The following XPO4 variants were observed in gnomAD, a reference collection of about 807,000 sequenced individuals.
XPO4 encodes the protein exportin-4.
A neutral mutation model predicts 143.0 loss-of-function variants in XPO4; 39 were observed. That is an observed-to-expected ratio of 0.27 (90% CI 0.21 to 0.36). XPO4 has a LOEUF of 0.36. Ranked by LOEUF, XPO4 falls within the 10% of genes least tolerant of loss-of-function variation. The pLI is 1.00. For synonymous variants in XPO4, 439 were observed against 474.0 expected (o/e 0.93, Z 0.96); for missense variants, 907 against 1,348.0 (o/e 0.67, Z 5.12).
intron 7 of XPO4, among the ~76,000 whole-genome samples, chr13:20,823,563 G>C (rs2059745884): frequency 6.9e-6 from 1 of 144,394 alleles, no homozygotes; most frequent in Non-Finnish European, 1.5e-5. Flanking sequence ...AGCTAAGAAT[G>C]GTTGTGTTTT....
intron 1 of XPO4, among the ~76,000 whole-genome samples, chr13:20,884,925 T>C (rs535882554): frequency 3.3e-5 from 5 of 152,288 alleles, no homozygotes; most frequent in East Asian, 3.9e-4. Context: ...CAATAGCGCA[T>C]TAAGTAAAAA....
rs866454245 is a variant in XPO4, at chr13:20,796,635, T to A, written c.2616+129A>T. ...ATAAGTTCTTTTCAAAAATCTTTTT[T>A]AAAAATCTTTTGAAGGAATAAAAAT... On this transcript the variant is annotated intron_variant, in intron 17 of 22. Transcript: ENST00000255305. 9.3e-5 allele frequency: 77 copies of A among 829,122 alleles called. No individual in the cohort carries two copies. In the Middle Eastern group the frequency reaches 2.4e-3, roughly 26 times the overall value. The allele number at this position is 829,122 out of a possible 1,614,324, so 51.4% of individuals were successfully genotyped here.
intron 16 of XPO4, among the ~76,000 whole-genome samples, chr13:20,798,485 AATG>A (rs753701056): frequency 2.6e-5 from 4 of 152,202 alleles, no homozygotes; most frequent in Non-Finnish European, 4.4e-5. Context: ...AGCCCTAGGA[AATG>A]AATATCATGG....
chr13:20,885,013 G>T (rs1014451856), intron 1 of XPO4, among the ~76,000 whole-genome samples: 1 of 151,920 alleles, frequency 6.6e-6, no homozygotes, highest in African/African-American at 2.4e-5. Context: ...GCCCAGGCTG[G>T]AATGCAATGG....
intron 1 of XPO4, among the ~76,000 whole-genome samples, chr13:20,888,204 A>G (rs533189296): frequency 3.3e-5 from 5 of 151,828 alleles, no homozygotes; most frequent in African/African-American, 9.6e-5. Context: ...GACTAAAATA[A>G]TAAGAAAATG....
Position 20,790,590 on chromosome 13 carries a change from T to C in XPO4, c.2798-10A>G. 6.2e-7 allele frequency: 1 copy of C among 1,605,686 alleles called. No individual in the cohort carries two copies. The highest frequency in any genetic ancestry group is 8.5e-7 in the Non-Finnish European group (1 of 1,172,764). On this transcript the variant is annotated splice_polypyrimidine_tract_variant and intron_variant, in intron 18 of 22. Coordinates refer to ENST00000255305, the MANE Select transcript of XPO4 (RefSeq NM_022459.5). ...CCTCTAAACACTTCATCTATTAAAA[T>C]AAAAGGATGCAGGCTTATGGTGGTA...
intron 16 of XPO4, among the ~76,000 whole-genome samples, chr13:20,797,351 C>T (rs1024661014): frequency 6.6e-6 from 1 of 152,078 alleles, no homozygotes; most frequent in African/African-American, 2.4e-5. Context: ...GGAAAAAAAA[C>T]TTTGTTTACA....
At chr13:20,896,017 G>A (rs1408307756) in intron 1 of XPO4, among the ~76,000 whole-genome samples, 5 of 152,140 alleles carry the variant, frequency 3.3e-5, no homozygotes, top group Non-Finnish European at 7.4e-5. Flanking sequence ...ATAGCTGGGG[G>A]TCAGCTATAT....
chr13:20,889,892 G>T (rs1375988394), intron 1 of XPO4, among the ~76,000 whole-genome samples: 1 of 152,104 alleles, frequency 6.6e-6, no homozygotes, highest in Non-Finnish European at 1.5e-5. Context: ...GACTCTAATT[G>T]CCATTTATAA....
At chr13:20,834,765 A>G (rs1009402630) in intron 6 of XPO4, among the ~76,000 whole-genome samples, 2 of 152,076 alleles carry the variant, frequency 1.3e-5, no homozygotes, top group Non-Finnish European at 2.9e-5. Context: ...GTTTGAGGAC[A>G]GCCTGGGCAA....
chr13:20,893,139 G>C (rs149834636), intron 1 of XPO4, among the ~76,000 whole-genome samples: 1 of 152,308 alleles, frequency 6.6e-6, no homozygotes, highest in African/African-American at 2.4e-5. Flanking sequence ...GACTGGAAAA[G>C]AGTCAACAGA....
intron 6 of XPO4, among the ~76,000 whole-genome samples, chr13:20,834,565 C>G (rs1488935423): frequency 6.6e-6 from 1 of 151,406 alleles, no homozygotes; most frequent in African/African-American, 2.4e-5. Flanking sequence ...AGGGCGAGAC[C>G]CAGTCTCAAA....
At position 20,794,727 on chromosome 13, in the gene XPO4, C is replaced by T. The variant is rs536479360; in HGVS notation, c.2797+1349G>A. Among the ~76,000 whole-genome samples, 10 of 152,104 alleles carry T rather than the reference C, an allele frequency of 6.6e-5. No individual in the cohort carries two copies. In the South Asian group the frequency reaches 1.0e-3, roughly 16 times the overall value. On this transcript the variant is annotated intron_variant, in intron 18 of 22. Coordinates refer to ENST00000255305, the MANE Select transcript of XPO4 (RefSeq NM_022459.5). ...GCCTGGATGACAGAGGGAGACCCTG[C>T]CTCTCAAACAACAACAAGGAAAGAA...
At chr13:20,793,632 C>T (rs1314430669) in intron 18 of XPO4, among the ~76,000 whole-genome samples, 1 of 152,136 alleles carries the variant, frequency 6.6e-6, no homozygotes, top group Admixed American at 6.6e-5. Context: ...CGGCTCACTG[C>T]AAGCTCCGCC....
chr13:20,809,030 G>A, intron 11 of XPO4, 53 bp downstream of exon 11: 7 of 1,584,732 alleles, frequency 4.4e-6, no homozygotes, highest in Middle Eastern at 1.9e-4. Context: ...GCTCTCCAGG[G>A]AATTGTGAAT....
chr13:20,888,432 C>CT (rs2060481096), intron 1 of XPO4, among the ~76,000 whole-genome samples: 1 of 152,186 alleles, frequency 6.6e-6, no homozygotes, highest in Admixed American at 6.5e-5. Flanking sequence ...CTCACTGCAA[C>CT]TTTGACCTCC....
chr13:20,878,172 C>CA (rs879684822), intron 1 of XPO4, among the ~76,000 whole-genome samples: 13 of 150,144 alleles, frequency 8.7e-5, no homozygotes, highest in Admixed American at 2.6e-4. Flanking sequence ...GATGCCACCT[C>CA]AAAAAAAAAC....
At chr13:20,882,470 A>G (rs2060421693) in intron 1 of XPO4, among the ~76,000 whole-genome samples, 2 of 152,152 alleles carry the variant, frequency 1.3e-5, no homozygotes, top group African/African-American at 2.4e-5. Context: ...GGGAGGCACC[A>G]TGCCATTCAT....
intron 1 of XPO4, among the ~76,000 whole-genome samples, chr13:20,875,889 A>G (rs1031071414): frequency 1.3e-5 from 2 of 152,122 alleles, no homozygotes; most frequent in African/African-American, 4.8e-5. Context: ...TAAAATCCCA[A>G]TAGGGTTTAT....
Sources: gnomAD v4.1 joint callset for allele counts (sites outside exome capture counted in the v4.1 genomes callset) on GRCh38, gnomAD v4.1.1 for gene constraint, MANE v1.5 for transcripts, NCBI Gene and HGNC (gene_info 2026-07-23, HGNC 2026-07-21) for gene names.